SPIDR: variants seen among roughly 807,000 people sequenced by gnomAD.
SPIDR encodes DNA repair-scaffolding protein.
In SPIDR, 93 loss-of-function variants were observed where a neutral mutation model predicts 104.6. The observed-to-expected ratio is 0.89, with a 90% CI of 0.75 to 1.06. The LOEUF is 1.06. Among genes scored for constraint, SPIDR ranks in the 50% least tolerant of loss-of-function variants. The pLI is 0.00. For synonymous variants in SPIDR, 431 were observed against 416.9 expected, an observed-to-expected ratio of 1.03 and a Z score of -0.41; for missense variants, 1,154 against 1,111.2, an observed-to-expected ratio of 1.04 and a Z score of -0.55.
chr8:47,532,065 A>ATTTTT (rs34728107), intron 8 of SPIDR, among the ~76,000 whole-genome samples: 1 of 119,616 alleles, frequency 8.4e-6, no homozygotes, highest in Non-Finnish European at 1.7e-5. Context: ...GTCAGAGTGG[A>ATTTTT]TTTTTTTTTT....
intron 10 of SPIDR, among the ~76,000 whole-genome samples, chr8:47,608,917 C>T (rs1467942303): frequency 3.3e-5 from 5 of 152,166 alleles, no homozygotes; most frequent in African/African-American, 4.8e-5. Context: ...TTAGTAGAGA[C>T]GGGGTTTCAC....
At chr8:47,426,104 T>C (rs1334933526) in intron 7 of SPIDR, among the ~76,000 whole-genome samples, 9 of 150,210 alleles carry the variant, frequency 6.0e-5, no homozygotes, top group Non-Finnish European at 1.0e-4. Context: ...AAAAAAAAAT[T>C]AACCAGCCAT....
chr8:47,600,365 A>G (rs904138163), intron 10 of SPIDR, among the ~76,000 whole-genome samples: 1 of 152,058 alleles, frequency 6.6e-6, no homozygotes, highest in Non-Finnish European at 1.5e-5. Flanking sequence ...ATATAAAGAC[A>G]ATGCAATCAT....
At chr8:47,371,214 C>A (rs1048194132) in intron 5 of SPIDR, among the ~76,000 whole-genome samples, 1 of 149,986 alleles carries the variant, frequency 6.7e-6, no homozygotes, top group East Asian at 2.0e-4. Flanking sequence ...CAATTACTGA[C>A]ACTTCTGTCT....
Position 47,727,208 on chromosome 8 carries a change from G to A in SPIDR, c.2350G>A (p.Val784Ile). The change falls in exon 17 of 20, where the codon GTT (valine) becomes ATT (isoleucine). Residue 784 changes from valine (V) to isoleucine (I), a missense_variant. Transcript: ENST00000297423. ...NSICSVQGTV[V>I]GVDESTAFSW... Reference sequence around the variant, plus strand: ...CCTTCTCTTGGGCCTAGGCACTGTGGTTGGCGTGGACGAGAGCACTGCTTT... The same window carrying A: ...CCTTCTCTTGGGCCTAGGCACTGTGATTGGCGTGGACGAGAGCACTGCTTT... 1 of 1,614,164 alleles carries A rather than the reference G, an allele frequency of 6.2e-7. No individual in the cohort carries two copies. Among genetic ancestry groups the A allele is most frequent in the South Asian group, 1.1e-5 (1 of 91,084 alleles).
At chr8:47,667,440 G>GAAAAAA (rs528607871) in intron 10 of SPIDR, among the ~76,000 whole-genome samples, 4 of 52,628 alleles carry the variant, frequency 7.6e-5, no homozygotes, top group South Asian at 1.4e-3. Context: ...CTTCAAAAGG[G>GAAAAAA]AAAAAAAAAA....
chr8:47,550,214 T>C (rs1427523574), intron 8 of SPIDR, among the ~76,000 whole-genome samples: 1 of 152,220 alleles, frequency 6.6e-6, no homozygotes, highest in Non-Finnish European at 1.5e-5. Context: ...CCTCCAGCTT[T>C]GGTGATTTTG....
At chr8:47,288,291 CTT>C (rs782147624) in intron 3 of SPIDR, among the ~76,000 whole-genome samples, 2 of 145,718 alleles carry the variant, frequency 1.4e-5, no homozygotes, top group Non-Finnish European at 1.5e-5. Context: ...TAACTTCCTT[CTT>C]TTTTTTTTTT....
At position 47,735,504 on chromosome 8, in the gene SPIDR, TG is replaced by T; in HGVS notation, c.*56del. ...AATGTGGCTGCAAGGGTGGTGGTGG[TG>T]GTGGTGATTTGGGGTAGTTATTTGT... is the stretch of plus-strand genomic sequence containing the variant. On this transcript the variant is annotated 3_prime_UTR_variant, in exon 20 of 20. Coordinates refer to ENST00000297423, the MANE Select transcript of SPIDR (RefSeq NM_001080394.4). 1 of 1,613,076 alleles carries T rather than the reference TG, an allele frequency of 6.2e-7. No individual in the cohort carries two copies. The highest frequency in any genetic ancestry group is 8.5e-7 in the Non-Finnish European group (1 of 1,179,626).
chr8:47,466,956 A>C lies in SPIDR; in HGVS notation c.1097+26414A>C, dbSNP rs564531355. ...AGATAGATAGATAGATAGATATAAAAAATAGACTGCTAGCTAGACTAAACA... is the reference window on the plus strand; with the variant it reads ...AGATAGATAGATAGATAGATATAAACAATAGACTGCTAGCTAGACTAAACA... On this transcript the variant is annotated intron_variant, in intron 8 of 19. Transcript: ENST00000297423. Among the ~76,000 whole-genome samples the C allele has an allele frequency of 2.1e-4, 31 of 148,572 alleles. 1 individual carries two copies. The highest frequency in any genetic ancestry group is 3.5e-3 in the Middle Eastern group (1 of 288).
chr8:47,625,759 C>T (rs1197294698), intron 10 of SPIDR, among the ~76,000 whole-genome samples: 1 of 152,066 alleles, frequency 6.6e-6, no homozygotes, highest in Non-Finnish European at 1.5e-5. Flanking sequence ...AATGGAAGAA[C>T]ATTCCATGCT....
chr8:47,316,724 G>T (rs1326771787), intron 5 of SPIDR, among the ~76,000 whole-genome samples: 2 of 152,164 alleles, frequency 1.3e-5, no homozygotes, highest in African/African-American at 2.4e-5. Flanking sequence ...AAGTCTTAGA[G>T]GAACTTGCTG....
chr8:47,638,608 A>G lies in SPIDR; in HGVS notation c.1545-35193A>G, dbSNP rs77105359. Among the ~76,000 whole-genome samples, 1,510 of 152,348 alleles carry G rather than the reference A, an allele frequency of 9.9e-3. 28 individuals are homozygous for G. Among genetic ancestry groups the G allele is most frequent in the African/African-American group, 0.034 (1,395 of 41,582 alleles). On this transcript the variant is annotated intron_variant, in intron 10 of 19. Transcript: ENST00000297423. The stretch of plus-strand genomic sequence containing the variant: ...AAGATCCTTTTCTCAAAACTGTTCT[A>G]TAGATAGACTTTATTTAGTTGTTTA...
intron 11 of SPIDR, among the ~76,000 whole-genome samples, chr8:47,683,959 T>C (rs1280199211): frequency 6.6e-6 from 1 of 151,694 alleles, no homozygotes; most frequent in Non-Finnish European, 1.5e-5. Context: ...ACCCCGTCTA[T>C]ACTAAAAATG....
At chr8:47,491,954 G>C (rs1449387045) in intron 8 of SPIDR, among the ~76,000 whole-genome samples, 1 of 152,160 alleles carries the variant, frequency 6.6e-6, no homozygotes, top group Non-Finnish European at 1.5e-5. Flanking sequence ...ATGTGAGAAG[G>C]AGCCAGGCCC....
chr8:47,424,461 C>T (rs1178208097), intron 7 of SPIDR, among the ~76,000 whole-genome samples: 2 of 152,076 alleles, frequency 1.3e-5, no homozygotes, highest in African/African-American at 4.8e-5. Flanking sequence ...CATGCCACCA[C>T]ACCCAGCTGT....
intron 8 of SPIDR, among the ~76,000 whole-genome samples, chr8:47,504,204 C>T (rs927977179): frequency 6.6e-6 from 1 of 152,176 alleles, no homozygotes; most frequent in Non-Finnish European, 1.5e-5. Flanking sequence ...TGGGGAAGTT[C>T]TCCTGGATAA....
intron 11 of SPIDR, among the ~76,000 whole-genome samples, chr8:47,680,649 C>G (rs1294491461): frequency 1.3e-5 from 2 of 152,246 alleles, no homozygotes; most frequent in African/African-American, 2.4e-5. Flanking sequence ...TAAAAAGCCA[C>G]ACACTTCCCT....
At chr8:47,731,497 A>G (rs2085225845) in intron 19 of SPIDR, among the ~76,000 whole-genome samples, 1 of 152,168 alleles carries the variant, frequency 6.6e-6, no homozygotes, top group African/African-American at 2.4e-5. Context: ...CAACCTCCCA[A>G]TGTCCCAGCA....
Sources: gnomAD v4.1 joint callset for allele counts (sites outside exome capture counted in the v4.1 genomes callset) on GRCh38, gnomAD v4.1.1 for gene constraint, MANE v1.5 for transcripts, NCBI Gene and HGNC (gene_info 2026-07-23, HGNC 2026-07-21) for gene names.